GREB1: variants seen among roughly 807,000 people sequenced by gnomAD.
GREB1 encodes the protein protein GREB1.
Under a neutral mutation model 200.7 loss-of-function variants are expected in GREB1, and 106 were observed. The observed-to-expected ratio is 0.53, with a 90% CI of 0.45 to 0.62. The LOEUF (loss-of-function observed/expected upper bound fraction) is 0.62, where lower values mean the gene tolerates loss of function less well. Ranked by LOEUF, GREB1 falls within the 20% of genes least tolerant of loss-of-function variation. The pLI, the probability that GREB1 is intolerant of heterozygous loss-of-function variation, is 0.00. For missense variants in GREB1, 2,243 were observed against 2,556.8 expected, an observed-to-expected ratio of 0.88 and a Z score of 2.65; for synonymous variants, 1,132 against 1,092.4, an observed-to-expected ratio of 1.04 and a Z score of -0.72.
chr2:11,595,415 T>G, intron 12 of GREB1, 36 bp downstream of exon 12: 1 of 1,599,570 alleles, frequency 6.3e-7, no homozygotes, highest in Non-Finnish European at 8.6e-7. Flanking sequence ...CATGCGTATG[T>G]TAATAGGACA....
chr2:11,596,346 T>G, intron 13 of GREB1, 107 bp downstream of exon 13: 2 of 807,524 alleles, frequency 2.5e-6, no homozygotes, highest in Non-Finnish European at 3.7e-6. Flanking sequence ...ATGGCGCAAG[T>G]GTGCACAGTG....
At chr2:11,635,528 A>C (rs1464338108) in intron 30 of GREB1, 123 bp downstream of exon 30, 4 of 1,125,606 alleles carry the variant, frequency 3.6e-6, no homozygotes, top group African/African-American at 1.6e-5. Flanking sequence ...GCAGGGCCCT[A>C]CTGGGTGGGG....
intron 1 of GREB1, among the ~76,000 whole-genome samples, chr2:11,525,442 A>G (rs543686820): frequency 6.9e-6 from 1 of 145,972 alleles, no homozygotes; most frequent in Non-Finnish European, 1.5e-5. Flanking sequence ...GGTTGCCATG[A>G]GCTGAAATTG....
At position 11,629,838 on chromosome 2, in the gene GREB1, G is replaced by A. The variant is rs574804574; in HGVS notation, c.4450-110G>A. 4 of 1,077,738 alleles carry A rather than the reference G, an allele frequency of 3.7e-6. No homozygotes were observed. In the African/African-American group the frequency reaches 4.7e-5, roughly 13 times the overall value. 66.8% of individuals were successfully genotyped at this position (1,077,738 alleles called of 1,614,324 possible). ...CACCCCGTGGGTTTCTTGTGCTGTA[G>A]GGAAGTGGTGACTGTGAGCTGCACG... On this transcript the variant is annotated intron_variant, in intron 25 of 32. Transcript: ENST00000381486. This position sits in a 1 kb window ranked among gnomAD's most constrained non-coding sequence, Gnocchi z 5.2.
chr2:11,632,281 C>T (rs991542142), intron 27 of GREB1, among the ~76,000 whole-genome samples, 168 bp downstream of exon 27: 2 of 151,960 alleles, frequency 1.3e-5, no homozygotes, highest in Non-Finnish European at 2.9e-5. Flanking sequence ...CCCCGCTACC[C>T]GCACCCAGTG....
At chr2:11,553,673 T>C (rs988162344) in intron 1 of GREB1, among the ~76,000 whole-genome samples, 2 of 152,104 alleles carry the variant, frequency 1.3e-5, no homozygotes, top group African/African-American at 4.8e-5. Context: ...TGGGCTACCA[T>C]GTGTGTGAAG....
intron 20 of GREB1, 152 bp downstream of exon 20, chr2:11,615,442 G>T (rs987295582): frequency 2.1e-5 from 13 of 629,376 alleles, no homozygotes; most frequent in Non-Finnish European, 3.0e-5. Context: ...TGGATGAGAG[G>T]TCTCCAGTGT....
rs1237216089 is a variant in GREB1 at position 11,562,524 on chromosome 2, T to G, written c.219T>G (p.Asn73Lys). The G allele has an allele frequency of 6.2e-7, 1 of 1,606,346 alleles. No individual in the cohort carries two copies. The highest frequency in any genetic ancestry group is 2.3e-5 in the East Asian group (1 of 44,112). Residue 73 changes from asparagine to lysine, a missense_variant, in exon 3 of 33, where the codon AAT (asparagine) becomes AAG (lysine). Transcript: ENST00000381486. ...AGGGAGAAGGAGGGCTGGAAACAAA[T>G]GGCCCCCCAAACCCTTTCCAGCTGC... is the stretch of plus-strand genomic sequence containing the variant. ...EEEGEGGLETNGPPNPFQLHP... is the reference protein window; with the variant it reads ...EEEGEGGLETKGPPNPFQLHP...
chr2:11,628,554 A>G (rs1684638806), intron 25 of GREB1, among the ~76,000 whole-genome samples: 1 of 152,240 alleles, frequency 6.6e-6, no homozygotes, highest in Admixed American at 6.5e-5. Flanking sequence ...CAATTTTTTA[A>G]GGGTCAAAAT....
At chr2:11,593,627 G>A (rs536468161) in intron 11 of GREB1, among the ~76,000 whole-genome samples, 113 of 152,098 alleles carry the variant, frequency 7.4e-4, no homozygotes, top group Admixed American at 2.6e-3. Flanking sequence ...GCTGGGACAC[G>A]CCCAGCTAAT....
intron 23 of GREB1, among the ~76,000 whole-genome samples, chr2:11,624,066 A>G (rs185441427): frequency 6.6e-6 from 1 of 152,330 alleles, no homozygotes; most frequent in African/African-American, 2.4e-5. Flanking sequence ...TTATAAAGTA[A>G]AAAAGTTATA....
At chr2:11,625,810 C>T (rs147382919) in intron 24 of GREB1, among the ~76,000 whole-genome samples, 1,650 of 152,180 alleles carry the variant, frequency 0.011, 13 homozygotes, top group Non-Finnish European at 0.016. Context: ...GTCCGTTTCA[C>T]GCTGCTGATA....
intron 2 of GREB1, among the ~76,000 whole-genome samples, chr2:11,557,899 G>C (rs563085005): frequency 6.6e-6 from 1 of 152,252 alleles, no homozygotes; most frequent in African/African-American, 2.4e-5. Flanking sequence ...GGGGAGCCGA[G>C]AAATGGCTGG....
chr2:11,562,650 T>C (rs1452773298), intron 3 of GREB1, 68 bp downstream of exon 3: 13 of 1,487,820 alleles, frequency 8.7e-6, no homozygotes, highest in Non-Finnish European at 1.2e-5. Flanking sequence ...GCCAGGCGGG[T>C]GACTGGGCCT....
chr2:11,513,668 G>A lies in GREB1; in HGVS notation c.-159+31287G>A, dbSNP rs116142421. ...TTCCTGATCATTCTAGTTAATTGATGGTTTTCGGTCTTGCTTTAAAAAAAA... is the reference window on the plus strand; with the variant it reads ...TTCCTGATCATTCTAGTTAATTGATAGTTTTCGGTCTTGCTTTAAAAAAAA... On this transcript the variant is annotated intron_variant, in intron 1 of 2. Transcript: ENST00000628795. Among the ~76,000 whole-genome samples the A allele has an allele frequency of 5.8e-3, 886 of 151,522 alleles. 12 individuals are homozygous for A. The highest frequency in any genetic ancestry group is 0.021 in the African/African-American group (854 of 41,026).
chr2:11,581,251 G>A, intron 7 of GREB1: 1 of 535,926 alleles, frequency 1.9e-6, no homozygotes, highest in Non-Finnish European at 3.3e-6. Context: ...CTCAATAAAT[G>A]TTTCTTCATC....
At chr2:11,547,233 G>A (rs1353091462) in intron 1 of GREB1, among the ~76,000 whole-genome samples, 9 of 152,212 alleles carry the variant, frequency 5.9e-5, no homozygotes, top group African/African-American at 1.7e-4. Context: ...ATGAGCCACC[G>A]TGCTCGGCTG....
intron 4 of GREB1, among the ~76,000 whole-genome samples, chr2:11,570,972 C>T (rs1454173187): frequency 1.3e-5 from 2 of 152,042 alleles, no homozygotes; most frequent in Admixed American, 6.6e-5. Context: ...TAGGCTTCCC[C>T]AACACAAGGA....
intron 1 of GREB1, among the ~76,000 whole-genome samples, chr2:11,510,458 T>G (rs1016049706): frequency 7.9e-5 from 12 of 152,330 alleles, no homozygotes; most frequent in Admixed American, 7.8e-4. Context: ...GATGACACCC[T>G]AATTTATAAT....
Sources: gnomAD v4.1 joint callset for allele counts (sites outside exome capture counted in the v4.1 genomes callset) on GRCh38, gnomAD v4.1.1 for gene constraint, Gnocchi (gnomAD v3.1) non-coding constraint, MANE v1.5 for transcripts, NCBI Gene and HGNC (gene_info 2026-07-23, HGNC 2026-07-21) for gene names.